Variants in PGAP1 observed in about 807,000 individuals in gnomAD.
The protein encoded by PGAP1 is post-GPI attachment to proteins inositol deacylase 1.
Under a neutral mutation model 127.0 loss-of-function variants are expected in PGAP1, and 76 were observed. The observed-to-expected ratio is 0.60, with a 90% confidence interval of 0.50 to 0.72. The LOEUF is 0.72. Ranked by LOEUF, PGAP1 falls within the 30% of genes least tolerant of loss-of-function variation. The pLI, the probability that PGAP1 is intolerant of heterozygous loss-of-function variation, is 0.00. For synonymous variants in PGAP1, 362 were observed against 366.5 expected (o/e 0.99, Z 0.14); for missense variants, 982 against 1,071.3 (o/e 0.92, Z 1.16).
Position 196,842,741 on chromosome 2 carries a change from G to GT in PGAP1, c.2609dup (p.Tyr870Ter). The change falls in exon 26 of 27, where the codon TAC becomes TAAC. Residue 870 changes from tyrosine (Y) to a stop codon, truncating the protein, a stop_gained and frameshift_variant. Transcript: ENST00000354764. LOFTEE classifies it high-confidence loss of function. Reference protein sequence around the residue: ...IPTMAILGNTYTVSIKSSKLL... With the variant: ...IPTMAILGNT ...TGTACCTTGATTTTATTGAAACAGTGTAAGTATTTCCAAGAATTGCCATAG... is the reference window on the plus strand; with the variant it reads ...TGTACCTTGATTTTATTGAAACAGTGTTAAGTATTTCCAAGAATTGCCATAG... 1 of 1,567,620 alleles carries GT rather than the reference G, an allele frequency of 6.4e-7. No homozygotes were observed. The highest frequency in any genetic ancestry group is 8.7e-7 in the Non-Finnish European group (1 of 1,147,262).
intron 26 of PGAP1, among the ~76,000 whole-genome samples, chr2:196,841,665 C>A (rs928036392): frequency 2.0e-5 from 3 of 152,100 alleles, no homozygotes; most frequent in African/African-American, 7.2e-5. Context: ...CTACAGGCGC[C>A]CGCCACCACA....
intron 4 of PGAP1, 70 bp downstream of exon 4, chr2:196,912,812 A>G: frequency 7.2e-7 from 1 of 1,391,172 alleles, no homozygotes; most frequent in Non-Finnish European, 9.7e-7. Flanking sequence ...CTAGGGGAAT[A>G]GCCACAGAGA....
intron 20 of PGAP1, among the ~76,000 whole-genome samples, chr2:196,859,018 C>A (rs546617705): frequency 6.6e-6 from 1 of 151,974 alleles, no homozygotes. Flanking sequence ...AAATAGGAAA[C>A]CTGAACAGAC....
intron 9 of PGAP1, among the ~76,000 whole-genome samples, chr2:196,891,591 A>T (rs1350734041): frequency 6.6e-6 from 1 of 152,134 alleles, no homozygotes; most frequent in Non-Finnish European, 1.5e-5. Context: ...GAGCCAACTC[A>T]CCATTCTGAT....
intron 4 of PGAP1, among the ~76,000 whole-genome samples, chr2:196,911,622 A>G (rs1239467164): frequency 1.3e-5 from 2 of 149,438 alleles, no homozygotes; most frequent in African/African-American, 4.9e-5. Flanking sequence ...AAAAAAAAAA[A>G]AAAAAAAAAA....
At chr2:196,911,894 G>A (rs943456912) in intron 4 of PGAP1, among the ~76,000 whole-genome samples, 2 of 151,980 alleles carry the variant, frequency 1.3e-5, no homozygotes, top group Admixed American at 6.6e-5. Context: ...TATTATCTAC[G>A]GTTTTATTTC....
At chr2:196,862,323 C>T (rs560970313) in intron 20 of PGAP1, among the ~76,000 whole-genome samples, 20 of 152,098 alleles carry the variant, frequency 1.3e-4, no homozygotes, top group South Asian at 2.1e-4. Context: ...AGGAAATTCC[C>T]GCCTAATAAA....
At chr2:196,888,484 A>G (rs906566697) in intron 10 of PGAP1, among the ~76,000 whole-genome samples, 1 of 152,242 alleles carries the variant, frequency 6.6e-6, no homozygotes, top group African/African-American at 2.4e-5. Context: ...TCAAGATTCT[A>G]GATCTAACTA....
rs1444789779 is a variant in PGAP1 at position 196,836,395 on chromosome 2, T to C, written c.*4839A>G. 3 of 152,500 alleles carry C rather than the reference T, an allele frequency of 2.0e-5. No individual in the cohort carries two copies. The highest frequency in any genetic ancestry group is 2.1e-4 in the South Asian group (1 of 4,830). 9.4% of individuals were successfully genotyped at this position (152,500 alleles called of 1,614,324 possible). A position where few individuals can be genotyped will look rare whatever the true frequency, so the allele number is the denominator to read the frequency against. On this transcript the variant is annotated 3_prime_UTR_variant, in exon 27 of 27. Transcript: ENST00000354764. The stretch of plus-strand genomic sequence containing the variant: ...AAAACAGCTTGATTATTCTCACAAT[T>C]TCCAAATGTTATTCTGTTGTCAAAA...
chr2:196,900,936 G>T (rs925170040), intron 5 of PGAP1, among the ~76,000 whole-genome samples: 1 of 141,726 alleles, frequency 7.1e-6, no homozygotes, highest in Non-Finnish European at 1.6e-5. Context: ...CAAAAAAAAA[G>T]AAAAAAAAAG....
chr2:196,926,130 G>A (rs1703351472), intron 1 of PGAP1, among the ~76,000 whole-genome samples: 1 of 152,112 alleles, frequency 6.6e-6, no homozygotes, highest in Non-Finnish European at 1.5e-5. Context: ...GCCTCTCTGG[G>A]CATGAGGGGG....
chr2:196,902,371 C>T (rs767408855), intron 5 of PGAP1, among the ~76,000 whole-genome samples: 1 of 151,910 alleles, frequency 6.6e-6, no homozygotes, highest in Non-Finnish European at 1.5e-5. Flanking sequence ...TAAGCATCCA[C>T]AATTCTGCCC....
At chr2:196,844,248 A>G (rs1700496569) in intron 24 of PGAP1, among the ~76,000 whole-genome samples, 173 bp from the exon 25 acceptor site, 1 of 152,168 alleles carries the variant, frequency 6.6e-6, no homozygotes, top group African/African-American at 2.4e-5. Context: ...TAAAACCTTT[A>G]TTCTTTTGAC....
At chr2:196,892,470 G>T in intron 8 of PGAP1, 69 bp from the exon 9 acceptor site, 1 of 681,664 alleles carries the variant, frequency 1.5e-6, no homozygotes, top group South Asian at 2.1e-5. Context: ...TTTCTTCTTT[G>T]AATCCTGGTG....
intron 1 of PGAP1, among the ~76,000 whole-genome samples, chr2:196,923,686 AGAGTCT>A (rs1703282849): frequency 6.7e-6 from 1 of 149,822 alleles, no homozygotes. Flanking sequence ...TTTTTGAGAC[AGAGTCT>A]CACTGTCGCC....
chr2:196,850,090 T>A lies in PGAP1; in HGVS notation c.1862-2053A>T, dbSNP rs1159708467. Among the ~76,000 whole-genome samples, 8 of 152,100 alleles carry A rather than the reference T, an allele frequency of 5.3e-5. No individual in the cohort carries two copies. The East Asian group carries it at 1.5e-3, about 29-fold the overall frequency. ...ATCTTTTTCCTGCTGAGCCACAGGG[T>A]GGCAGTGGTTGTAGTGTTCCTGCAC... On this transcript the variant is annotated intron_variant, in intron 20 of 26. Coordinates refer to ENST00000354764, the MANE Select transcript of PGAP1 (RefSeq NM_024989.4).
At position 196,838,727 on chromosome 2, in the gene PGAP1, G is replaced by A. The variant is rs368193295; in HGVS notation, c.*2507C>T. 6.6e-6 allele frequency: 1 copy of A among 152,152 alleles called. No homozygotes were observed. The highest frequency in any genetic ancestry group is 2.4e-5 in the African/African-American group (1 of 41,446). 9.4% of individuals were successfully genotyped at this position (152,152 alleles called of 1,614,324 possible). A position where few individuals can be genotyped will look rare whatever the true frequency, so the allele number is the denominator to read the frequency against. On this transcript the variant is annotated 3_prime_UTR_variant, in exon 27 of 27. Coordinates refer to ENST00000354764, the MANE Select transcript of PGAP1 (RefSeq NM_024989.4). ...CATGAAAATATTTGAGTGAGAATTA[G>A]TGTACCTAGTCTGCTGCTTTAAAAA... is the stretch of plus-strand genomic sequence containing the variant.
chr2:196,848,098 C>A, intron 20 of PGAP1, 61 bp from the exon 21 acceptor site: 1 of 1,116,442 alleles, frequency 9.0e-7, no homozygotes, highest in Non-Finnish European at 1.3e-6. Flanking sequence ...TATACTATAT[C>A]CCACGTTCTC....
At chr2:196,882,813 C>T (rs1701774248) in intron 12 of PGAP1, among the ~76,000 whole-genome samples, 1 of 152,172 alleles carries the variant, frequency 6.6e-6, no homozygotes, top group South Asian at 2.1e-4. Flanking sequence ...GATAATTTGA[C>T]TTCCTCTCTT....
Sources: allele counts gnomAD v4.1 joint callset (sites outside exome capture counted in the v4.1 genomes callset), GRCh38; gene constraint gnomAD v4.1.1; transcripts MANE v1.5; gene names NCBI Gene and HGNC (gene_info 2026-07-23, HGNC 2026-07-21).